The following CANX variants were observed in gnomAD, a reference collection of about 807,000 sequenced individuals.
The protein encoded by CANX is epididymis secretory sperm binding protein.
A neutral mutation model predicts 75.7 loss-of-function variants in CANX; 14 were observed. That is an observed-to-expected ratio of 0.19 (90% CI 0.12 to 0.29). The LOEUF is 0.29. Among genes scored for constraint, CANX ranks in the 10% least tolerant of loss-of-function variants. CANX has a pLI of 1.00. For missense variants in CANX, 567 were observed against 713.2 expected, an observed-to-expected ratio of 0.79 and a Z score of 2.34; for synonymous variants, 227 against 236.9, an observed-to-expected ratio of 0.96 and a Z score of 0.38.
chr5:179,683,691 A>C (rs1776129917), intron 1 of CANX, among the ~76,000 whole-genome samples: 4 of 151,130 alleles, frequency 2.6e-5, no homozygotes, highest in African/African-American at 4.9e-5. Context: ...CTGCCACCAC[A>C]CCCAGCTAAT....
At chr5:179,693,066 A>G (rs948942343) in intron 1 of CANX, among the ~76,000 whole-genome samples, 2 of 151,330 alleles carry the variant, frequency 1.3e-5, no homozygotes, top group African/African-American at 2.4e-5. Context: ...GAATCATGTG[A>G]ACTCGGAGGG....
intron 1 of CANX, among the ~76,000 whole-genome samples, chr5:179,688,613 T>A (rs1776237641): frequency 6.6e-6 from 1 of 151,310 alleles, no homozygotes; most frequent in Non-Finnish European, 1.5e-5. Context: ...TCCACCTGCC[T>A]CAGCCTCCCA....
Position 179,728,807 on chromosome 5 carries a change from A to T in CANX, c.*163A>T, listed in dbSNP as rs1463097587. ...CTAGTCTGTGTAACTTTAAACATCT[A>T]GCAGTAAATACTTGCAGTTGTGATA... On this transcript the variant is annotated 3_prime_UTR_variant, in exon 15 of 15. Transcript: ENST00000247461. The T allele has an allele frequency of 1.7e-5, 12 of 704,926 alleles. No homozygotes were observed. In the East Asian group the frequency reaches 3.3e-4, roughly 19 times the overall value. 43.7% of individuals were successfully genotyped at this position (704,926 alleles called of 1,614,324 possible). A position where few individuals can be genotyped will look rare whatever the true frequency, so the allele number is the denominator to read the frequency against.
intron 1 of CANX, among the ~76,000 whole-genome samples, chr5:179,705,106 C>T (rs966167136): frequency 1.3e-5 from 2 of 152,088 alleles, no homozygotes; most frequent in African/African-American, 4.8e-5. Context: ...CTGACTCAGC[C>T]TCCCAAGTAG....
chr5:179,691,221 CG>C (rs1313137566), intron 1 of CANX, among the ~76,000 whole-genome samples: 2 of 152,010 alleles, frequency 1.3e-5, no homozygotes, highest in East Asian at 3.9e-4. Context: ...GATGGGGTTT[CG>C]CCTCGTTGGC....
chr5:179,724,895 T>TA (rs1778549009), intron 13 of CANX, 112 bp downstream of exon 13: 1 of 1,393,458 alleles, frequency 7.2e-7, no homozygotes, highest in African/African-American at 1.5e-5. Context: ...CTCAAGCCTG[T>TA]AATCCTAGCA....
chr5:179,690,328 C>T (rs1278443956), intron 1 of CANX, among the ~76,000 whole-genome samples: 2 of 152,152 alleles, frequency 1.3e-5, no homozygotes, highest in African/African-American at 4.8e-5. Context: ...GTAATCCCAG[C>T]ACTTTGGGAG....
intron 1 of CANX, among the ~76,000 whole-genome samples, chr5:179,692,060 G>T (rs1215546842): frequency 6.9e-6 from 1 of 144,510 alleles, no homozygotes; most frequent in Non-Finnish European, 1.5e-5. Context: ...GATAACAGGC[G>T]TGAGCCACCG....
At chr5:179,726,249 T>G (rs1436322084) in intron 13 of CANX, among the ~76,000 whole-genome samples, 1 of 151,060 alleles carries the variant, frequency 6.6e-6, no homozygotes, top group Non-Finnish European at 1.5e-5. Flanking sequence ...ATCATGCCAT[T>G]GCACTCCAAC....
In CANX at chr5:179,706,326, G is replaced by T. The variant is rs758490745; in HGVS notation, c.240G>T (p.Leu80=). ...CTGATTCTTTTGACAGAGGAACTCT[G>T]TCAGGGTAAGTGTTTTCCAGAGAAA... ...YFADSFDRGT[L]SGWILSKAKK... is the part of the protein sequence containing the mutation. Residue 80 remains leucine (L), a synonymous_variant, in exon 3 of 15, where the codon CTG becomes CTT. Coordinates refer to ENST00000247461, the MANE Select transcript of CANX (RefSeq NM_001746.4). 6.4e-7 allele frequency: 1 copy of T among 1,562,114 alleles called. No homozygotes were observed. Among genetic ancestry groups the T allele is most frequent in the Admixed American group, 1.7e-5 (1 of 58,896 alleles).
At chr5:179,708,906 G>A (rs939668203) in intron 5 of CANX, 72 bp from the exon 6 acceptor site, 2 of 787,346 alleles carry the variant, frequency 2.5e-6, no homozygotes, top group Admixed American at 1.8e-5. Flanking sequence ...ATGAGGGAGA[G>A]AGGAAATACA....
At chr5:179,679,297 C>G in intron 1 of CANX, 1 of 1,488,968 alleles carries the variant, frequency 6.7e-7, no homozygotes, top group Non-Finnish European at 8.9e-7. Flanking sequence ...GAGCAGCGTG[C>G]TTGGTACAGG....
rs372523907 is a variant in CANX, at chr5:179,728,662, G to A, written c.*18G>A. 1.3e-6 allele frequency: 2 copies of A among 1,589,926 alleles called. No individual in the cohort carries two copies. Among genetic ancestry groups the A allele is most frequent in the East Asian group, 2.2e-5 (1 of 44,722 alleles). ...GAGAGTGAAACAATCTTAAGAGCTT[G>A]ATCTGTGATTTCTTCTCCCTCCTCC... On this transcript the variant is annotated 3_prime_UTR_variant, in exon 15 of 15. Transcript: ENST00000247461.
intron 1 of CANX, chr5:179,699,516 T>G (rs1035879947): frequency 6.6e-6 from 1 of 152,160 alleles, no homozygotes. Flanking sequence ...AAGGGTGGTA[T>G]TAGACCGAGA....
intron 7 of CANX, among the ~76,000 whole-genome samples, chr5:179,710,266 T>A (rs1360679180): frequency 6.6e-6 from 1 of 150,972 alleles, no homozygotes; most frequent in Non-Finnish European, 1.5e-5. Context: ...CTACTAAAAA[T>A]ACAAATATTA....
chr5:179,689,054 GC>G (rs1452713983), intron 1 of CANX, among the ~76,000 whole-genome samples: 5 of 152,064 alleles, frequency 3.3e-5, no homozygotes, highest in Admixed American at 3.3e-4. Flanking sequence ...TTCAAGACCA[GC>G]CCAGCCAACA....
chr5:179,702,171 G>A (rs1222567125), intron 1 of CANX, among the ~76,000 whole-genome samples: 1 of 151,712 alleles, frequency 6.6e-6, no homozygotes, highest in Admixed American at 6.6e-5. Flanking sequence ...AGTCTCCTGA[G>A]TAGCTGGATC....
intron 2 of CANX, 82 bp from the exon 3 acceptor site, chr5:179,706,176 G>A: frequency 1.2e-6 from 1 of 828,028 alleles, no homozygotes; most frequent in Non-Finnish European, 2.0e-6. Context: ...ACAGTTGAAA[G>A]CAAACCAGGA....
rs1216565124 is a variant in CANX, at chr5:179,705,811, G to T, written c.130G>T (p.Asp44Tyr). Residue 44 changes from aspartate (D) to tyrosine (Y), a missense_variant, in exon 2 of 15, where the codon GAC becomes TAC. Around this residue, in one of 3 missense-constraint regions of CANX, gnomAD observed 351 missense variants for 433.8 expected, o/e 0.81. Coordinates refer to ENST00000247461, the MANE Select transcript of CANX (RefSeq NM_001746.4). ...DLDDVIEEVE[D>Y]SKPDTTAPPS... Reference sequence around the variant, plus strand: ...TGACGATGTCATTGAAGAGGTAGAAGACTCAAAACCAGATACCACTGCTCC... The same window carrying T: ...TGACGATGTCATTGAAGAGGTAGAATACTCAAAACCAGATACCACTGCTCC... The T allele has an allele frequency of 6.2e-7, 1 of 1,613,446 alleles. No homozygotes were observed. The highest frequency in any genetic ancestry group is 1.3e-5 in the African/African-American group (1 of 74,902).
Sources: allele counts gnomAD v4.1 joint callset (sites outside exome capture counted in the v4.1 genomes callset), GRCh38; gene constraint gnomAD v4.1.1; regional missense constraint gnomAD v4.1.1; transcripts MANE v1.5; gene names NCBI Gene and HGNC (gene_info 2026-07-23, HGNC 2026-07-21).